Variants in PTPRD observed in about 807,000 individuals in gnomAD.
The protein encoded by PTPRD is receptor-type tyrosine-protein phosphatase delta.
A neutral mutation model predicts 214.5 loss-of-function variants in PTPRD; 34 were observed. The ratio of observed to expected loss-of-function variants is 0.16; its 90% CI spans 0.12 to 0.21. The LOEUF is 0.21. Ranked by LOEUF, PTPRD falls within the 10% of genes least tolerant of loss-of-function variation. The pLI, the probability that PTPRD is intolerant of heterozygous loss-of-function variation, is 1.00. For missense variants in PTPRD, 2,545 were observed against 2,398.7 expected, an observed-to-expected ratio of 1.06 and a Z score of -1.27; for synonymous variants, 1,128 against 845.7, an observed-to-expected ratio of 1.33 and a Z score of -5.79.
chr9:10,144,023 A>G (rs1564102274), intron 3 of PTPRD, among the ~76,000 whole-genome samples: 1 of 152,138 alleles, frequency 6.6e-6, no homozygotes, highest in South Asian at 2.1e-4. Flanking sequence ...ACTTTGTAAT[A>G]AACCTGTGAT....
chr9:9,074,724 C>G (rs1269560875), intron 10 of PTPRD, among the ~76,000 whole-genome samples: 1 of 149,296 alleles, frequency 6.7e-6, no homozygotes, highest in Non-Finnish European at 1.5e-5. Context: ...CTTTTTTTTT[C>G]TGTAGAGTTG....
chr9:8,500,558 G>GGAAAAAAA (rs2097373754), intron 24 of PTPRD, among the ~76,000 whole-genome samples, 196 bp downstream of exon 24: 153 of 14,312 alleles, frequency 0.011, 4 homozygotes, highest in East Asian at 0.029. Flanking sequence ...TGAAAAAAAT[G>GGAAAAAAA]AAAAAAAAAA....
intron 4 of PTPRD, among the ~76,000 whole-genome samples, chr9:9,953,829 A>G (rs1365770039): frequency 1.3e-5 from 2 of 152,140 alleles, no homozygotes; most frequent in East Asian, 3.9e-4. Flanking sequence ...GGTTTTATCG[A>G]CATATGCTAC....
intron 11 of PTPRD, among the ~76,000 whole-genome samples, chr9:8,965,381 G>GAA (rs34169157): frequency 1.7e-3 from 221 of 126,866 alleles, no homozygotes; most frequent in Middle Eastern, 4.3e-3. Flanking sequence ...CTCTGCTTCA[G>GAA]AAAAAAAAAA....
intron 39 of PTPRD, among the ~76,000 whole-genome samples, chr9:8,368,481 G>C (rs1397558169): frequency 6.6e-6 from 1 of 152,056 alleles, no homozygotes; most frequent in Non-Finnish European, 1.5e-5. Flanking sequence ...CCTGATATAT[G>C]ATTTTGAAGT....
rs377007423 is a variant in PTPRD at position 8,412,435 on chromosome 9, T to G, written c.4087-7775A>C. 3.9e-5 allele frequency among the ~76,000 whole-genome samples: 6 copies of G among 152,292 alleles called. 1 individual carries two copies. In the South Asian group the frequency reaches 6.2e-4, roughly 16 times the overall value. On this transcript the variant is annotated intron_variant, in intron 35 of 45. Transcript: ENST00000381196. Reference sequence around the variant, plus strand: ...AAATTAGGAAGAATTAATTCACAGCTGCATCCTTTCTTTTCCATGGATAAC... The same window carrying G: ...AAATTAGGAAGAATTAATTCACAGCGGCATCCTTTCTTTTCCATGGATAAC...
At chr9:9,457,004 C>A (rs2093101440) in intron 8 of PTPRD, among the ~76,000 whole-genome samples, 1 of 151,902 alleles carries the variant, frequency 6.6e-6, no homozygotes, top group South Asian at 2.1e-4. Context: ...AAAAGTAGGT[C>A]CAAATGGCAT....
intron 11 of PTPRD, among the ~76,000 whole-genome samples, chr9:8,848,471 G>A (rs1224261473): frequency 6.7e-6 from 1 of 149,438 alleles, no homozygotes; most frequent in Non-Finnish European, 1.5e-5. Context: ...AAGTAGCTGA[G>A]ACCACAAGTG....
intron 8 of PTPRD, among the ~76,000 whole-genome samples, chr9:9,528,065 A>G (rs1303648832): frequency 6.6e-6 from 1 of 152,250 alleles, no homozygotes; most frequent in Non-Finnish European, 1.5e-5. Flanking sequence ...GAGACAATCC[A>G]GCCATCTTGT....
intron 8 of PTPRD, among the ~76,000 whole-genome samples, chr9:9,444,779 T>G (rs1340524516): frequency 6.6e-6 from 1 of 152,166 alleles, no homozygotes; most frequent in Non-Finnish European, 1.5e-5. Context: ...GTAACTTTTA[T>G]ATTTTAATTT....
At chr9:9,013,421 A>T (rs1364755240) in intron 11 of PTPRD, among the ~76,000 whole-genome samples, 1 of 152,106 alleles carries the variant, frequency 6.6e-6, no homozygotes, top group African/African-American at 2.4e-5. Context: ...CTAATAATAG[A>T]CTTCAAATAT....
At chr9:9,527,742 A>G (rs1169936209) in intron 8 of PTPRD, among the ~76,000 whole-genome samples, 1 of 152,146 alleles carries the variant, frequency 6.6e-6, no homozygotes, top group East Asian at 1.9e-4. Context: ...TTCAATTACT[A>G]TAGTTACAGA....
intron 3 of PTPRD, among the ~76,000 whole-genome samples, chr9:10,141,781 C>T (rs1318039512): frequency 6.6e-6 from 1 of 152,040 alleles, no homozygotes; most frequent in African/African-American, 2.4e-5. Flanking sequence ...CAAAAAAGAG[C>T]CCGCATTGCC....
At chr9:9,656,377 T>C (rs1176812145) in intron 7 of PTPRD, among the ~76,000 whole-genome samples, 2 of 152,130 alleles carry the variant, frequency 1.3e-5, no homozygotes, top group Non-Finnish European at 2.9e-5. Flanking sequence ...CTTCAGTAGG[T>C]AAATGTACAA....
At chr9:8,356,830 T>C (rs2077098826) in intron 39 of PTPRD, among the ~76,000 whole-genome samples, 1 of 152,128 alleles carries the variant, frequency 6.6e-6, no homozygotes, top group African/African-American at 2.4e-5. Context: ...AAATGATTCA[T>C]TGAGAGCTCT....
At chr9:8,571,794 C>G (rs1008665884) in intron 14 of PTPRD, among the ~76,000 whole-genome samples, 2 of 152,062 alleles carry the variant, frequency 1.3e-5, no homozygotes, top group African/African-American at 4.8e-5. Flanking sequence ...TATAAATAAA[C>G]TGCTCCTGGA....
chr9:10,538,828 G>C (rs1484047235), intron 2 of PTPRD, among the ~76,000 whole-genome samples: 1 of 152,020 alleles, frequency 6.6e-6, no homozygotes, highest in African/African-American at 2.4e-5. Context: ...TGAAAACCCT[G>C]ATAAATATCT....
chr9:9,674,002 A>G (rs953728893), intron 7 of PTPRD, among the ~76,000 whole-genome samples: 1 of 151,884 alleles, frequency 6.6e-6, no homozygotes, highest in Non-Finnish European at 1.5e-5. Flanking sequence ...GGGAAAGTTT[A>G]GTCTCCCAGA....
At chr9:10,397,749 A>G (rs2098198054) in intron 2 of PTPRD, among the ~76,000 whole-genome samples, 1 of 151,952 alleles carries the variant, frequency 6.6e-6, no homozygotes, top group Non-Finnish European at 1.5e-5. Context: ...TGAAACCTAC[A>G]AGTGGTGGGA....
Sources: allele counts gnomAD v4.1 joint callset (sites outside exome capture counted in the v4.1 genomes callset), GRCh38; gene constraint gnomAD v4.1.1; transcripts MANE v1.5; gene names NCBI Gene and HGNC (gene_info 2026-07-23, HGNC 2026-07-21).